The following JAZF1 variants were observed in gnomAD, a reference collection of about 807,000 sequenced individuals.
JAZF1 encodes the protein JAZF zinc finger 1, also known as juxtaposed with another zinc finger protein 1.
Under a neutral mutation model 26.4 loss-of-function variants are expected in JAZF1, and 8 were observed. The observed-to-expected ratio is 0.30, with a 90% confidence interval of 0.18 to 0.55. The LOEUF is 0.55. Among genes scored for constraint, JAZF1 ranks in the 20% least tolerant of loss-of-function variants. The pLI, the probability that JAZF1 is intolerant of heterozygous loss-of-function variation, is 0.94. For missense variants in JAZF1, 199 were observed against 322.0 expected, an observed-to-expected ratio of 0.62 and a Z score of 2.92; for synonymous variants, 126 against 122.3, an observed-to-expected ratio of 1.03 and a Z score of -0.20.
At chr7:28,099,358 T>A (rs1018255375) in intron 1 of JAZF1, among the ~76,000 whole-genome samples, 1 of 149,408 alleles carries the variant, frequency 6.7e-6, no homozygotes, top group Non-Finnish European at 1.5e-5. Flanking sequence ...ACTAAAAAGC[T>A]TTTTTTTTTC....
intron 1 of JAZF1, among the ~76,000 whole-genome samples, chr7:28,124,196 G>A (rs552297270): frequency 6.6e-6 from 1 of 152,190 alleles, no homozygotes; most frequent in Non-Finnish European, 1.5e-5. Context: ...AGGACACACA[G>A]AGAGACCCCA....
chr7:28,019,370 C>T (rs1014360340), intron 1 of JAZF1, among the ~76,000 whole-genome samples: 15 of 152,120 alleles, frequency 9.9e-5, no homozygotes, highest in South Asian at 6.2e-4. Context: ...CAACCTCTGC[C>T]GGCTTGGATT....
At chr7:28,009,233 C>T (rs992349218) in intron 1 of JAZF1, among the ~76,000 whole-genome samples, 19 of 148,128 alleles carry the variant, frequency 1.3e-4, no homozygotes, top group African/African-American at 4.4e-4. Context: ...GCAGAGATAA[C>T]ATACTTTCAA....
intron 2 of JAZF1, among the ~76,000 whole-genome samples, chr7:27,921,703 A>G (rs1784532012): frequency 6.6e-6 from 1 of 152,098 alleles, no homozygotes; most frequent in East Asian, 1.9e-4. Flanking sequence ...AAAATAATCC[A>G]TGAAAAATAC....
At chr7:27,952,144 T>C (rs1044752591) in intron 2 of JAZF1, among the ~76,000 whole-genome samples, 4 of 152,124 alleles carry the variant, frequency 2.6e-5, no homozygotes, top group Non-Finnish European at 4.4e-5. Flanking sequence ...GAGTAAGAAT[T>C]AGCACCTGCC....
In JAZF1 at chr7:28,030,842, T is replaced by C. The variant is rs74583138; in HGVS notation, c.116-38861A>G. Reference sequence around the variant, plus strand: ...TTTGGTCTTGCCCAAAAGTATTTCATAAACATTTACTAAGAAGGTTGTCAA... The same window carrying C: ...TTTGGTCTTGCCCAAAAGTATTTCACAAACATTTACTAAGAAGGTTGTCAA... On this transcript the variant is annotated intron_variant, in intron 1 of 4. Transcript: ENST00000283928. 0.027 allele frequency among the ~76,000 whole-genome samples: 4,070 copies of C among 152,262 alleles called. 320 individuals are homozygous for C. The East Asian group carries it at 0.32, about 12-fold the overall frequency.
chr7:27,915,376 A>C (rs1784430082), intron 2 of JAZF1, among the ~76,000 whole-genome samples: 1 of 152,184 alleles, frequency 6.6e-6, no homozygotes, highest in South Asian at 2.1e-4. Context: ...GCCTGACTTC[A>C]TCTTGGGTCA....
At chr7:28,160,597 C>A (rs989509594) in intron 1 of JAZF1, among the ~76,000 whole-genome samples, 70 of 152,252 alleles carry the variant, frequency 4.6e-4, no homozygotes, top group African/African-American at 1.5e-3. Context: ...CACAAAACAT[C>A]GTTTTAGTTC....
intron 1 of JAZF1, among the ~76,000 whole-genome samples, chr7:28,083,499 T>C (rs1173984285): frequency 2.6e-5 from 4 of 152,136 alleles, no homozygotes; most frequent in African/African-American, 4.8e-5. Flanking sequence ...ACTCAGAAAA[T>C]GTATGGAAAC....
chr7:28,121,255 C>T (rs565336153), intron 1 of JAZF1, among the ~76,000 whole-genome samples: 5 of 151,860 alleles, frequency 3.3e-5, no homozygotes, highest in South Asian at 4.2e-4. Flanking sequence ...CAATGCTTTA[C>T]CCTCCCCTCT....
chr7:28,177,148 T>C (rs1017819090), intron 1 of JAZF1, among the ~76,000 whole-genome samples: 3 of 152,162 alleles, frequency 2.0e-5, no homozygotes, highest in African/African-American at 7.2e-5. Flanking sequence ...GGGAGAGTTT[T>C]AGCTAGGATA....
chr7:28,045,475 A>G (rs925485026), intron 1 of JAZF1, among the ~76,000 whole-genome samples: 7 of 152,210 alleles, frequency 4.6e-5, no homozygotes, highest in African/African-American at 1.7e-4. Context: ...GAGTGATTAT[A>G]TTCAGAGTAA....
chr7:27,876,041 G>T (rs1227078536), intron 3 of JAZF1, among the ~76,000 whole-genome samples: 1 of 152,162 alleles, frequency 6.6e-6, no homozygotes. Context: ...GTGGCCTGGG[G>T]CATGTTACCT....
At chr7:28,074,859 C>T (rs1784027160) in intron 1 of JAZF1, among the ~76,000 whole-genome samples, 1 of 152,126 alleles carries the variant, frequency 6.6e-6, no homozygotes. Flanking sequence ...CACTGTGAAT[C>T]CCATGAGCAC....
chr7:27,952,536 C>A (rs1785028090), intron 2 of JAZF1, among the ~76,000 whole-genome samples: 1 of 152,186 alleles, frequency 6.6e-6, no homozygotes, highest in African/African-American at 2.4e-5. Flanking sequence ...ACAAGTAAAC[C>A]AACAGCTGAA....
chr7:28,087,357 G>T (rs781729098), intron 1 of JAZF1, among the ~76,000 whole-genome samples: 2 of 151,780 alleles, frequency 1.3e-5, no homozygotes, highest in Admixed American at 1.3e-4. Context: ...ATTTCAGAGG[G>T]CAAAATAGAC....
chr7:28,003,398 C>T (rs1320732768), intron 1 of JAZF1, among the ~76,000 whole-genome samples: 1 of 152,042 alleles, frequency 6.6e-6, no homozygotes, highest in Non-Finnish European at 1.5e-5. Context: ...CTCTTTTGGT[C>T]GTTTTAAGAC....
intron 1 of JAZF1, among the ~76,000 whole-genome samples, chr7:28,096,356 C>A (rs1003479696): frequency 5.9e-5 from 9 of 152,358 alleles, no homozygotes; most frequent in African/African-American, 1.9e-4. Context: ...GCTGTTAATT[C>A]TCTGAAGGTT....
intron 1 of JAZF1, among the ~76,000 whole-genome samples, chr7:28,161,650 C>T (rs75082089): frequency 6.6e-6 from 1 of 152,128 alleles, no homozygotes; most frequent in Non-Finnish European, 1.5e-5. Context: ...GCAATAAGTC[C>T]CTCTGGGGCT....
Sources: gnomAD v4.1 joint callset for allele counts (sites outside exome capture counted in the v4.1 genomes callset) on GRCh38, gnomAD v4.1.1 for gene constraint, MANE v1.5 for transcripts, NCBI Gene and HGNC (gene_info 2026-07-23, HGNC 2026-07-21) for gene names.